Variants in SHISA6 observed in about 807,000 individuals in gnomAD.
SHISA6 encodes the protein protein shisa-6.
A neutral mutation model predicts 47.9 loss-of-function variants in SHISA6; 22 were observed. The observed-to-expected ratio is 0.46, with a 90% CI of 0.33 to 0.66. The LOEUF is 0.66. Among genes scored for constraint, SHISA6 ranks in the 30% least tolerant of loss-of-function variants. SHISA6 has a pLI of 0.02. For synonymous variants in SHISA6, 388 were observed against 337.8 expected (o/e 1.15, Z -1.63); for missense variants, 680 against 764.6 (o/e 0.89, Z 1.30).
rs917324997 is a variant in SHISA6 at position 11,391,828 on chromosome 17, C to G, written c.895+12319C>G. On this transcript the variant is annotated intron_variant, in intron 3 of 5. Transcript: ENST00000441885. ...CTTCCTAAATGTCGGCCTACTGCAT[C>G]GAATAAGGTGGGGAGCTTTTCCCCC... Among the ~76,000 whole-genome samples, 4 of 152,276 alleles carry G rather than the reference C, an allele frequency of 2.6e-5. No homozygotes were observed. The South Asian group carries it at 6.2e-4, about 24-fold the overall frequency.
intron 3 of SHISA6, among the ~76,000 whole-genome samples, chr17:11,460,288 G>A (rs1444165487): frequency 6.6e-6 from 1 of 152,154 alleles, no homozygotes; most frequent in Non-Finnish European, 1.5e-5. Flanking sequence ...CGCCGGGATG[G>A]TCTCCCAGAA....
chr17:11,266,344 G>A (rs1317944861), intron 2 of SHISA6, among the ~76,000 whole-genome samples: 1 of 152,216 alleles, frequency 6.6e-6, no homozygotes, highest in Non-Finnish European at 1.5e-5. Context: ...AGCCACATCA[G>A]CATCACCTGA....
chr17:11,403,226 G>A (rs558479484), intron 3 of SHISA6, among the ~76,000 whole-genome samples: 1 of 152,252 alleles, frequency 6.6e-6, no homozygotes, highest in African/African-American at 2.4e-5. Flanking sequence ...AAGTTTTTAG[G>A]GAGTAATTGC....
chr17:11,321,908 T>TGTTAGTGTTAGTGTTA (rs1040882635), intron 2 of SHISA6, among the ~76,000 whole-genome samples: 10 of 152,198 alleles, frequency 6.6e-5, no homozygotes, highest in Admixed American at 6.5e-4. Context: ...TTAGTGTTAG[T>TGTTAGTGTTAGTGTTA]GTATTTTATG....
intron 2 of SHISA6, among the ~76,000 whole-genome samples, chr17:11,342,124 C>T (rs562606761): frequency 4.6e-5 from 7 of 152,200 alleles, no homozygotes; most frequent in African/African-American, 1.7e-4. Flanking sequence ...GGGGAGAAGC[C>T]TCCGCCCACT....
intron 4 of SHISA6, among the ~76,000 whole-genome samples, chr17:11,554,553 C>T (rs1222060206): frequency 6.6e-6 from 1 of 152,160 alleles, no homozygotes; most frequent in Non-Finnish European, 1.5e-5. Flanking sequence ...TGTGGCAGTC[C>T]TCCTGCACAT....
chr17:11,521,632 C>A (rs1034014221), intron 3 of SHISA6, among the ~76,000 whole-genome samples: 2 of 135,028 alleles, frequency 1.5e-5, no homozygotes, highest in Non-Finnish European at 3.2e-5. Flanking sequence ...TAGTGAGACC[C>A]CATCTCTACA....
chr17:11,423,519 A>G (rs1170217164), intron 3 of SHISA6, among the ~76,000 whole-genome samples: 1 of 151,856 alleles, frequency 6.6e-6, no homozygotes, highest in South Asian at 2.1e-4. Flanking sequence ...GGTAACCATC[A>G]ATGTCAAAGT....
chr17:11,365,227 C>G (rs1912408181), intron 2 of SHISA6, among the ~76,000 whole-genome samples: 1 of 151,968 alleles, frequency 6.6e-6, no homozygotes, highest in Non-Finnish European at 1.5e-5. Context: ...AAAGAAATCC[C>G]TTATTCTATT....
intron 3 of SHISA6, among the ~76,000 whole-genome samples, chr17:11,531,780 G>C (rs1481212634): frequency 6.6e-6 from 1 of 152,168 alleles, no homozygotes; most frequent in Non-Finnish European, 1.5e-5. Flanking sequence ...ACAGAATCGT[G>C]ACTATAATTA....
chr17:11,322,141 A>G (rs1910737634), intron 2 of SHISA6, among the ~76,000 whole-genome samples: 1 of 152,164 alleles, frequency 6.6e-6, no homozygotes, highest in Non-Finnish European at 1.5e-5. Flanking sequence ...TTTTTTCAGC[A>G]GTATTATCCT....
intron 2 of SHISA6, among the ~76,000 whole-genome samples, chr17:11,305,033 A>G (rs1206031587): frequency 1.3e-5 from 2 of 152,204 alleles, no homozygotes; most frequent in Admixed American, 6.5e-5. Flanking sequence ...TAGATGTCAC[A>G]TTGACCTGTG....
chr17:11,466,007 A>G (rs1425450692), intron 3 of SHISA6, among the ~76,000 whole-genome samples: 1 of 152,118 alleles, frequency 6.6e-6, no homozygotes, highest in Admixed American at 6.5e-5. Flanking sequence ...GGAAGGGACT[A>G]CAACTGAAGG....
intron 2 of SHISA6, among the ~76,000 whole-genome samples, chr17:11,341,981 C>G (rs1013636741): frequency 6.6e-6 from 1 of 152,174 alleles, no homozygotes; most frequent in Middle Eastern, 3.4e-3. Context: ...TGCAGCCCAC[C>G]CTCTCTGCAC....
intron 2 of SHISA6, among the ~76,000 whole-genome samples, chr17:11,297,605 C>T (rs985045539): frequency 5.9e-5 from 9 of 152,166 alleles, no homozygotes; most frequent in African/African-American, 2.2e-4. Context: ...TCATATTAAC[C>T]AGAATCTGGC....
intron 3 of SHISA6, among the ~76,000 whole-genome samples, chr17:11,405,739 T>G (rs1290856258): frequency 6.6e-6 from 1 of 151,672 alleles, no homozygotes; most frequent in Non-Finnish European, 1.5e-5. Context: ...AGACGGAGGT[T>G]GCAGTGAGTC....
chr17:11,390,596 T>G (rs1348376917), intron 3 of SHISA6, among the ~76,000 whole-genome samples: 1 of 151,644 alleles, frequency 6.6e-6, no homozygotes, highest in African/African-American at 2.4e-5. Context: ...GAAGCACTGA[T>G]AAAAAATATT....
At position 11,496,010 on chromosome 17, in the gene SHISA6, C is replaced by CATCT. The variant is rs1174260911; in HGVS notation, c.896-55883_896-55882insTATC. Among the ~76,000 whole-genome samples, 4 of 152,130 alleles carry CATCT rather than the reference C, an allele frequency of 2.6e-5. No homozygotes were observed. The East Asian group carries it at 7.8e-4, about 29-fold the overall frequency. On this transcript the variant is annotated intron_variant, in intron 3 of 5. Transcript: ENST00000441885. ...TTATCCATTCATCCATCCATCCATCCATCCATCCATCCATCCATCCATCAC... is the reference window on the plus strand; with the variant it reads ...TTATCCATTCATCCATCCATCCATCCATCTATCCATCCATCCATCCATCCATCAC...
intron 3 of SHISA6, among the ~76,000 whole-genome samples, chr17:11,477,070 A>C (rs1315706988): frequency 6.6e-6 from 1 of 152,178 alleles, no homozygotes; most frequent in Non-Finnish European, 1.5e-5. Context: ...CATAAAATTA[A>C]TATAGCTACT....
Sources: allele counts gnomAD v4.1 joint callset (sites outside exome capture counted in the v4.1 genomes callset), GRCh38; gene constraint gnomAD v4.1.1; transcripts MANE v1.5; gene names NCBI Gene and HGNC (gene_info 2026-07-23, HGNC 2026-07-21).